Variants in CCDC38 observed in about 807,000 individuals in gnomAD.
The protein encoded by CCDC38 is coiled-coil domain containing 38.
In CCDC38, 69 loss-of-function variants were observed where a neutral mutation model predicts 72.8. The ratio of observed to expected loss-of-function variants is 0.95; its 90% CI spans 0.78 to 1.16. The LOEUF (loss-of-function observed/expected upper bound fraction) is 1.16. CCDC38 is among the 50% of genes most tolerant of loss of function. The pLI is 0.00. For synonymous variants in CCDC38, 201 were observed against 213.2 expected, an observed-to-expected ratio of 0.94 and a Z score of 0.50; for missense variants, 626 against 638.9, an observed-to-expected ratio of 0.98 and a Z score of 0.22.
intron 15 of CCDC38, among the ~76,000 whole-genome samples, chr12:95,868,924 A>C (rs1592748999): frequency 6.6e-6 from 1 of 152,306 alleles, no homozygotes; most frequent in East Asian, 1.9e-4. Flanking sequence ...TTGTCTTTAC[A>C]ATGTGGGGAT....
chr12:95,885,689 A>G (rs2079751351), intron 10 of CCDC38: 1 of 153,220 alleles, frequency 6.5e-6, no homozygotes, highest in African/African-American at 2.4e-5. Flanking sequence ...GATATCACTC[A>G]AAACATAGAA....
intron 4 of CCDC38, among the ~76,000 whole-genome samples, chr12:95,909,802 A>G (rs2080070982): frequency 6.6e-6 from 1 of 152,230 alleles, no homozygotes. Context: ...CCCCAAAACC[A>G]TAGGATCATC....
intron 2 of CCDC38, among the ~76,000 whole-genome samples, chr12:95,929,016 G>T (rs2080305562): frequency 6.6e-6 from 1 of 152,202 alleles, no homozygotes; most frequent in Non-Finnish European, 1.5e-5. Flanking sequence ...TGCCCCCAGA[G>T]GTGGAGCCTA....
At chr12:95,896,855 T>G (rs543909009) in intron 7 of CCDC38, among the ~76,000 whole-genome samples, 1 of 152,350 alleles carries the variant, frequency 6.6e-6, no homozygotes, top group South Asian at 2.1e-4. Flanking sequence ...GATCAAGTTA[T>G]CTTCAGCAAG....
chr12:95,942,373 G>C (rs952484336), intron 1 of CCDC38, 58 bp downstream of exon 1: 3 of 147,254 alleles, frequency 2.0e-5, no homozygotes, highest in African/African-American at 7.4e-5. Context: ...ACCAGACACA[G>C]CTGAGGGGTG....
chr12:95,928,295 T>C (rs1468291611), intron 2 of CCDC38, among the ~76,000 whole-genome samples: 2 of 152,248 alleles, frequency 1.3e-5, no homozygotes, highest in Non-Finnish European at 2.9e-5. Context: ...CACTTCATCT[T>C]CCATCGCTGA....
chr12:95,888,142 A>T (rs2079780862), intron 10 of CCDC38, among the ~76,000 whole-genome samples: 1 of 152,260 alleles, frequency 6.6e-6, no homozygotes, highest in Non-Finnish European at 1.5e-5. Flanking sequence ...GGAATTTTGA[A>T]TCACATGGTG....
chr12:95,910,800 G>T (rs1042703052), intron 4 of CCDC38, among the ~76,000 whole-genome samples: 2 of 152,136 alleles, frequency 1.3e-5, no homozygotes. Context: ...GAAGTTCAAG[G>T]TTACAGTGAG....
intron 1 of CCDC38, among the ~76,000 whole-genome samples, chr12:95,941,711 GT>G (rs1379338706): frequency 1.8e-4 from 27 of 152,066 alleles, no homozygotes; most frequent in African/African-American, 6.0e-4. Flanking sequence ...GACTTTATGT[GT>G]TTCTATTCCC....
chr12:95,879,713 T>G lies in CCDC38; in HGVS notation c.1073A>C (p.Gln358Pro). Residue 358 changes from glutamine (Q) to proline (P), a missense_variant, in exon 12 of 16, where the codon CAA (glutamine) becomes CCA (proline). Transcript: ENST00000344280. This position sits in a 1 kb window ranked among gnomAD's most constrained non-coding sequence, Gnocchi z 5.5. ...ATTTTCATCTACATCTTGGGAATAT[T>G]GAAACAAAGTAAGATTCTGCTCTTC... The part of the protein sequence containing the change: ...ELEEQNLTLF[Q>P]YSQDVDENLE... The G allele has an allele frequency of 2.5e-6, 4 of 1,610,838 alleles. No homozygotes were observed. Among genetic ancestry groups the G allele is most frequent in the Non-Finnish European group, 3.4e-6 (4 of 1,177,226 alleles).
chr12:95,892,583 C>CTTT (rs577335624), intron 8 of CCDC38, among the ~76,000 whole-genome samples: 3 of 121,216 alleles, frequency 2.5e-5, no homozygotes, highest in Admixed American at 8.4e-5. Flanking sequence ...GGCTTAAATT[C>CTTT]TTTTTTTTTT....
chr12:95,881,437 A>G (rs761363074), intron 11 of CCDC38, 48 bp downstream of exon 11: 19 of 1,362,790 alleles, frequency 1.4e-5, no homozygotes, highest in Admixed American at 3.7e-5. Flanking sequence ...GATCATCAGT[A>G]TTTTTCACCA....
At chr12:95,901,934 G>A (rs1484998816) in intron 5 of CCDC38, among the ~76,000 whole-genome samples, 1 of 152,052 alleles carries the variant, frequency 6.6e-6, no homozygotes, top group Non-Finnish European at 1.5e-5. Context: ...GCAGAAGATG[G>A]TATGTAATGT....
intron 4 of CCDC38, among the ~76,000 whole-genome samples, chr12:95,909,393 T>C (rs2080066193): frequency 2.0e-5 from 3 of 152,128 alleles, no homozygotes; most frequent in Admixed American, 1.3e-4. Flanking sequence ...AGTTCTGAAA[T>C]TGAATCAGTA....
chr12:95,926,574 C>T (rs1278816463), intron 2 of CCDC38, among the ~76,000 whole-genome samples: 12 of 151,984 alleles, frequency 7.9e-5, no homozygotes, highest in African/African-American at 2.7e-4. Context: ...TATTTCTTGC[C>T]TTCCGCTAGC....
At chr12:95,927,359 A>C (rs1443327711) in intron 2 of CCDC38, among the ~76,000 whole-genome samples, 1 of 150,150 alleles carries the variant, frequency 6.7e-6, no homozygotes, top group Admixed American at 6.6e-5. Flanking sequence ...TAGGATTGCA[A>C]CCCCTGCCTT....
chr12:95,917,090 T>C, intron 4 of CCDC38, 39 bp downstream of exon 4: 1 of 1,517,054 alleles, frequency 6.6e-7, no homozygotes, highest in Non-Finnish European at 8.8e-7. Context: ...TAATAGTAAA[T>C]ATTCAAAATG....
chr12:95,932,324 A>G (rs1472183126), intron 2 of CCDC38, among the ~76,000 whole-genome samples: 1 of 152,018 alleles, frequency 6.6e-6, no homozygotes, highest in Admixed American at 6.6e-5. Context: ...TCCCTAATAG[A>G]TTGCATATGA....
chr12:95,895,980 T>C (rs1365051947), intron 7 of CCDC38, among the ~76,000 whole-genome samples: 3 of 140,752 alleles, frequency 2.1e-5, no homozygotes, highest in Non-Finnish European at 3.0e-5. Context: ...CACTTGAACC[T>C]GGGAGGTAGA....
Sources: gnomAD v4.1 joint callset for allele counts (sites outside exome capture counted in the v4.1 genomes callset) on GRCh38, gnomAD v4.1.1 for gene constraint, Gnocchi (gnomAD v3.1) non-coding constraint, MANE v1.5 for transcripts, NCBI Gene and HGNC (gene_info 2026-07-23, HGNC 2026-07-21) for gene names.